MYO3B: variants seen among roughly 807,000 people sequenced by gnomAD.
MYO3B encodes myosin-IIIb.
A neutral mutation model predicts 174.6 loss-of-function variants in MYO3B; 156 were observed. That is an observed-to-expected ratio of 0.89 (90% CI 0.78 to 1.02). MYO3B has a LOEUF of 1.02. Among genes scored for constraint, MYO3B ranks in the 50% least tolerant of loss-of-function variants. The probability of loss-of-function intolerance (pLI) is 0.00; values close to 1 mark genes in which losing one functional copy is unlikely to be tolerated. For missense variants in MYO3B, 1,632 were observed against 1,639.4 expected, an observed-to-expected ratio of 1.00 and a Z score of 0.08; for synonymous variants, 563 against 569.1, an observed-to-expected ratio of 0.99 and a Z score of 0.15.
chr2:170,344,294 CGT>C (rs963857417), intron 8 of MYO3B: 1 of 152,132 alleles, frequency 6.6e-6, no homozygotes, highest in African/African-American at 2.4e-5. Flanking sequence ...GGTGAAACCC[CGT>C]CTCTACTAAG....
At chr2:170,433,610 T>C (rs2094728444) in intron 22 of MYO3B, among the ~76,000 whole-genome samples, 1 of 152,154 alleles carries the variant, frequency 6.6e-6, no homozygotes, top group Non-Finnish European at 1.5e-5. Flanking sequence ...GGGTTTTTTG[T>C]GGGGTTTTTA....
intron 25 of MYO3B, among the ~76,000 whole-genome samples, chr2:170,491,525 A>G (rs968826097): frequency 1.6e-4 from 24 of 152,092 alleles, no homozygotes; most frequent in Non-Finnish European, 2.5e-4. Context: ...TCCCAGGTTC[A>G]CGCCATTCTC....
intron 8 of MYO3B, among the ~76,000 whole-genome samples, chr2:170,354,892 A>T (rs1032561518): frequency 2.0e-5 from 3 of 150,272 alleles, no homozygotes; most frequent in African/African-American, 7.4e-5. Flanking sequence ...AAGAAGAAAA[A>T]TATTTTATCT....
intron 32 of MYO3B, chr2:170,602,358 C>T: frequency 1.6e-6 from 1 of 632,544 alleles, no homozygotes; most frequent in East Asian, 2.6e-5. Context: ...GGCATAGCCT[C>T]CTCACCCTCT....
chr2:170,512,792 T>A (rs557578619), intron 28 of MYO3B, among the ~76,000 whole-genome samples: 3 of 152,104 alleles, frequency 2.0e-5, no homozygotes, highest in African/African-American at 7.3e-5. Flanking sequence ...ACCTGCATCA[T>A]GTAATATTTA....
chr2:170,564,734 A>G (rs1691955423), intron 32 of MYO3B, among the ~76,000 whole-genome samples: 1 of 152,144 alleles, frequency 6.6e-6, no homozygotes, highest in African/African-American at 2.4e-5. Flanking sequence ...TTAAGTTCAG[A>G]AAAAGTTAAG....
intron 25 of MYO3B, among the ~76,000 whole-genome samples, chr2:170,492,270 T>C (rs73025037): frequency 0.063 from 9,620 of 152,286 alleles, 948 homozygotes; most frequent in African/African-American, 0.21. Context: ...TTCTTTCCAG[T>C]CTTGGATAGT....
intron 32 of MYO3B, among the ~76,000 whole-genome samples, chr2:170,650,506 C>T (rs1347315643): frequency 6.6e-6 from 1 of 151,870 alleles, no homozygotes; most frequent in Non-Finnish European, 1.5e-5. Flanking sequence ...ATAGTGATAG[C>T]TTTTCTCTAA....
At chr2:170,497,542 C>A (rs12467958) in intron 25 of MYO3B, among the ~76,000 whole-genome samples, 1 of 151,800 alleles carries the variant, frequency 6.6e-6, no homozygotes, top group Non-Finnish European at 1.5e-5. Flanking sequence ...GGCGCAAACC[C>A]GGGAGGCAGA....
chr2:170,578,536 G>A (rs1692936129), intron 32 of MYO3B, among the ~76,000 whole-genome samples: 1 of 152,204 alleles, frequency 6.6e-6, no homozygotes, highest in African/African-American at 2.4e-5. Context: ...AGCATCGAAG[G>A]TAAACAGGTG....
At chr2:170,234,984 C>T (rs1013077914) in intron 6 of MYO3B, among the ~76,000 whole-genome samples, 8 of 152,194 alleles carry the variant, frequency 5.3e-5, no homozygotes, top group African/African-American at 1.7e-4. Flanking sequence ...CTAGATCTGT[C>T]ACTCCTCTGC....
At chr2:170,383,244 G>C (rs2094348841) in intron 11 of MYO3B, 55 bp downstream of exon 11, 4 of 1,082,994 alleles carry the variant, frequency 3.7e-6, no homozygotes, top group Non-Finnish European at 5.6e-6. Flanking sequence ...AAACTCACAA[G>C]GGCAAATGAA....
chr2:170,408,156 TC>T (rs2094523253), intron 22 of MYO3B, among the ~76,000 whole-genome samples: 1 of 152,236 alleles, frequency 6.6e-6, no homozygotes, highest in African/African-American at 2.4e-5. Flanking sequence ...TATCATTAAT[TC>T]ATGCTAAGCA....
At chr2:170,328,612 T>C (rs535200311) in intron 7 of MYO3B, among the ~76,000 whole-genome samples, 9 of 152,290 alleles carry the variant, frequency 5.9e-5, no homozygotes, top group African/African-American at 2.2e-4. Context: ...TGAAATCCCA[T>C]ATGACATGTG....
At chr2:170,283,090 T>A (rs1308913291) in intron 7 of MYO3B, among the ~76,000 whole-genome samples, 2 of 152,176 alleles carry the variant, frequency 1.3e-5, no homozygotes, top group Non-Finnish European at 2.9e-5. Context: ...TTGGTGGGGC[T>A]GGGCTCTCAA....
chr2:170,377,117 G>C (rs1022774061), intron 9 of MYO3B, among the ~76,000 whole-genome samples: 3 of 152,212 alleles, frequency 2.0e-5, no homozygotes, highest in African/African-American at 7.2e-5. Flanking sequence ...AAATATGTTT[G>C]TCAATATAGT....
chr2:170,477,456 A>AT (rs1685386526), intron 25 of MYO3B, among the ~76,000 whole-genome samples: 2 of 151,904 alleles, frequency 1.3e-5, no homozygotes, highest in South Asian at 2.1e-4. Flanking sequence ...GACTTTACTC[A>AT]TTTTTTTATC....
chr2:170,533,739 G>T (rs1250993275), intron 30 of MYO3B, among the ~76,000 whole-genome samples: 1 of 152,134 alleles, frequency 6.6e-6, no homozygotes, highest in Non-Finnish European at 1.5e-5. Context: ...TAACCACATT[G>T]TTAAGTATGT....
At chr2:170,282,721 C>T (rs1213996858) in intron 7 of MYO3B, among the ~76,000 whole-genome samples, 1 of 152,060 alleles carries the variant, frequency 6.6e-6, no homozygotes, top group African/African-American at 2.4e-5. Context: ...AATATTAATG[C>T]TTCCAATCCC....
Sources: gnomAD v4.1 joint callset for allele counts (sites outside exome capture counted in the v4.1 genomes callset) on GRCh38, gnomAD v4.1.1 for gene constraint, MANE v1.5 for transcripts, NCBI Gene and HGNC (gene_info 2026-07-23, HGNC 2026-07-21) for gene names.